Variants in SMCO4 observed in about 807,000 individuals in gnomAD.
SMCO4 encodes single-pass membrane and coiled-coil domain-containing protein 4.
In SMCO4, 4 loss-of-function variants were observed where a neutral mutation model predicts 3.6. The ratio of observed to expected loss-of-function variants is 1.11; its 90% CI spans 0.54 to 2.53. The LOEUF (loss-of-function observed/expected upper bound fraction) is 2.53. SMCO4 is among the 30% of genes most tolerant of loss of function. The pLI is 0.02. For synonymous variants in SMCO4, 36 were observed against 35.3 expected, an observed-to-expected ratio of 1.02 and a Z score of -0.07; for missense variants, 70 against 80.8, an observed-to-expected ratio of 0.87 and a Z score of 0.51.
chr11:93,485,468 C>T (rs557088279), intron 2 of SMCO4, among the ~76,000 whole-genome samples: 11 of 152,260 alleles, frequency 7.2e-5, no homozygotes, highest in Non-Finnish European at 1.3e-4. Context: ...CTTTGGACAA[C>T]CATCACATGT....
chr11:93,502,521 T>C (rs77540847), intron 1 of SMCO4, among the ~76,000 whole-genome samples: 2,460 of 152,300 alleles, frequency 0.016, 72 homozygotes, highest in African/African-American at 0.056. Context: ...GGGCAGACTA[T>C]ATCAAAGGAC....
chr11:93,550,392 C>T, the SMCO4 span, among the ~76,000 whole-genome samples: 1 of 152,120 alleles, frequency 6.6e-6, no homozygotes, highest in African/African-American at 2.4e-5. Context: ...AGGCATGGTG[C>T]CTCATGCCTG....
chr11:93,501,050 A>G (rs1269488346), intron 1 of SMCO4, among the ~76,000 whole-genome samples: 2 of 152,170 alleles, frequency 1.3e-5, no homozygotes, highest in African/African-American at 4.8e-5. Flanking sequence ...AAATATTCCA[A>G]GTAGCAGAGG....
At chr11:93,502,898 G>T (rs1440551438) in intron 1 of SMCO4, among the ~76,000 whole-genome samples, 2 of 152,132 alleles carry the variant, frequency 1.3e-5, no homozygotes, top group African/African-American at 4.8e-5. Context: ...CCTTACACAG[G>T]CCAGCCACTA....
upstream of SMCO4, chr11:93,543,447 C>G (rs1265526110): frequency 6.6e-6 from 1 of 151,822 alleles, no homozygotes. Flanking sequence ...CGAATCCTCC[C>G]GTCCTAACCC....
At chr11:93,487,738 T>C (rs952156199) in intron 2 of SMCO4, among the ~76,000 whole-genome samples, 4 of 152,256 alleles carry the variant, frequency 2.6e-5, no homozygotes, top group Non-Finnish European at 5.9e-5. Flanking sequence ...CTGTGTTATG[T>C]ATTATTGTCC....
At chr11:93,553,608 G>A in the SMCO4 span, among the ~76,000 whole-genome samples, 2 of 152,172 alleles carry the variant, frequency 1.3e-5, no homozygotes, top group Admixed American at 6.5e-5. Flanking sequence ...AAATTACAGT[G>A]TTAGTAGACC....
chr11:93,508,701 G>C (rs993398189), intron 1 of SMCO4, among the ~76,000 whole-genome samples: 3 of 152,166 alleles, frequency 2.0e-5, no homozygotes, highest in African/African-American at 4.8e-5. Flanking sequence ...AACTACAGCA[G>C]TAAAGAGGGA....
rs117673118 is a variant in SMCO4 at position 93,524,793 on chromosome 11, C to T, written c.-154+18483G>A. ...GTGGTGCATCCAATGCGTTCCCCAC[C>T]TATGTTAACTCACAGATCTCGCCTG... On this transcript the variant is annotated intron_variant, in intron 1 of 2. Coordinates refer to ENST00000298966, the MANE Select transcript of SMCO4 (RefSeq NM_020179.3). Among the ~76,000 whole-genome samples the T allele has an allele frequency of 2.4e-4, 37 of 152,300 alleles. No individual in the cohort carries two copies. In the East Asian group the frequency reaches 5.8e-3, roughly 24 times the overall value.
chr11:93,508,144 A>G (rs1018506603), intron 1 of SMCO4, among the ~76,000 whole-genome samples: 2 of 152,158 alleles, frequency 1.3e-5, no homozygotes, highest in African/African-American at 4.8e-5. Flanking sequence ...GAATCTCACT[A>G]ATTTTTAAGA....
chr11:93,486,760 A>G (rs753302755), intron 2 of SMCO4, among the ~76,000 whole-genome samples: 1 of 152,120 alleles, frequency 6.6e-6, no homozygotes, highest in Non-Finnish European at 1.5e-5. Flanking sequence ...GTCCCTGTAC[A>G]CTAACGCCCA....
At chr11:93,525,744 A>G (rs1462575874) in intron 1 of SMCO4, among the ~76,000 whole-genome samples, 4 of 152,202 alleles carry the variant, frequency 2.6e-5, no homozygotes, top group Non-Finnish European at 4.4e-5. Context: ...TTCAAAATAG[A>G]TATCTGTGAC....
chr11:93,537,395 T>C (rs549066850), intron 1 of SMCO4, among the ~76,000 whole-genome samples: 68 of 152,278 alleles, frequency 4.5e-4, no homozygotes, highest in African/African-American at 1.5e-3. Flanking sequence ...AATCAGATGG[T>C]CCTGCCAACA....
chr11:93,498,983 C>T lies in SMCO4; in HGVS notation c.-81+293G>A, dbSNP rs60912147. Among the ~76,000 whole-genome samples, 2,051 of 152,130 alleles carry T rather than the reference C, an allele frequency of 0.013. 101 individuals carry two copies. In the East Asian group the frequency reaches 0.14, roughly 10 times the overall value. On this transcript the variant is annotated intron_variant, in intron 2 of 2. Transcript: ENST00000298966. ...GTGTCACAGACCTCTACCCGACTGGCCAAGAGAGGAAGGGTGAGACCATCA... is the reference window on the plus strand; with the variant it reads ...GTGTCACAGACCTCTACCCGACTGGTCAAGAGAGGAAGGGTGAGACCATCA...
intron 2 of SMCO4, among the ~76,000 whole-genome samples, chr11:93,487,924 A>G (rs907462722): frequency 1.3e-5 from 2 of 152,256 alleles, no homozygotes; most frequent in Non-Finnish European, 2.9e-5. Flanking sequence ...TTTTTTAAGC[A>G]TACCCTGTAT....
intron 2 of SMCO4, among the ~76,000 whole-genome samples, chr11:93,489,249 TTGG>T (rs1555074165): frequency 5.3e-5 from 8 of 152,190 alleles, no homozygotes; most frequent in Non-Finnish European, 1.0e-4. Context: ...GGGCTAATAA[TTGG>T]ACCTAGAAAA....
chr11:93,482,983 GA>G (rs919402392), intron 2 of SMCO4, among the ~76,000 whole-genome samples: 6 of 152,140 alleles, frequency 3.9e-5, no homozygotes, highest in African/African-American at 1.2e-4. Flanking sequence ...CCCTGACACT[GA>G]AAAAAGAAGA....
At chr11:93,493,508 T>G (rs1343203387) in intron 2 of SMCO4, among the ~76,000 whole-genome samples, 1 of 152,192 alleles carries the variant, frequency 6.6e-6, no homozygotes, top group Non-Finnish European at 1.5e-5. Flanking sequence ...CATGCCTGTA[T>G]GTTCTCCCTG....
rs11020380 is a variant in SMCO4, at chr11:93,496,450, A to G, written c.-81+2826T>C. Among the ~76,000 whole-genome samples the G allele has an allele frequency of 5.0e-3, 757 of 152,324 alleles. 31 individuals carry two copies. The East Asian group carries it at 0.072, about 14-fold the overall frequency. On this transcript the variant is annotated intron_variant, in intron 2 of 2. Transcript: ENST00000298966. ...AGGCCTAGAAAGGGACTATGGTAGA[A>G]GTAGACCAAGAGTTAAAATCTGGAC...
Sources: gnomAD v4.1 joint callset for allele counts (sites outside exome capture counted in the v4.1 genomes callset) on GRCh38, gnomAD v4.1.1 for gene constraint, MANE v1.5 for transcripts, NCBI Gene and HGNC (gene_info 2026-07-23, HGNC 2026-07-21) for gene names.